Variants in ANKRD2 observed in about 807,000 individuals in gnomAD.
The protein encoded by ANKRD2 is ankyrin repeat domain 2.
In ANKRD2, 35 loss-of-function variants were observed where a neutral mutation model predicts 37.3. The ratio of observed to expected loss-of-function variants is 0.94; its 90% CI spans 0.72 to 1.24. The LOEUF is 1.24. Ranked by LOEUF, ANKRD2 falls within the 50% of genes most tolerant of loss-of-function variation. The pLI is 0.00. For synonymous variants in ANKRD2, 159 were observed against 186.5 expected (o/e 0.85, Z 1.20); for missense variants, 410 against 445.6 (o/e 0.92, Z 0.72).
chr10:97,582,551 T>A (rs2040913078), intron 7 of ANKRD2, 53 bp from the exon 8 acceptor site: 2 of 1,591,902 alleles, frequency 1.3e-6, no homozygotes, highest in Admixed American at 1.7e-5. Flanking sequence ...CCCATCACCC[T>A]TGCCTCCTCC....
In ANKRD2 at chr10:97,576,265, A is replaced by G. The variant is rs1015792738; in HGVS notation, c.88-1535A>G. ...GACTCAGGACCCTCCAACCTGGGCAATTGTTCCTGGACTCATAGCCACACA... is the reference window on the plus strand; with the variant it reads ...GACTCAGGACCCTCCAACCTGGGCAGTTGTTCCTGGACTCATAGCCACACA... On this transcript the variant is annotated intron_variant, in intron 1 of 8. Transcript: ENST00000370655. 2.0e-5 allele frequency among the ~76,000 whole-genome samples: 3 copies of G among 152,196 alleles called. No homozygotes were observed. The South Asian group carries it at 6.2e-4, about 31-fold the overall frequency.
intron 3 of ANKRD2, 30 bp from the exon 4 acceptor site, chr10:97,578,468 G>C: frequency 1.3e-6 from 2 of 1,598,166 alleles, no homozygotes; most frequent in South Asian, 1.1e-5. Flanking sequence ...TTGCTGGGAC[G>C]GCCCGTGACT....
At chr10:97,581,103 G>C in intron 5 of ANKRD2, 150 bp downstream of exon 5, 1 of 833,248 alleles carries the variant, frequency 1.2e-6, no homozygotes, top group South Asian at 1.7e-5. Context: ...CCTTGAGTAA[G>C]CCCCTTCTCC....
chr10:97,575,418 A>G (rs1271138331), intron 1 of ANKRD2, among the ~76,000 whole-genome samples: 1 of 152,198 alleles, frequency 6.6e-6, no homozygotes, highest in African/African-American at 2.4e-5. Flanking sequence ...CCATTCGATC[A>G]TTCATTCATT....
chr10:97,580,220 A>G (rs908129886), intron 4 of ANKRD2, among the ~76,000 whole-genome samples: 3 of 152,238 alleles, frequency 2.0e-5, no homozygotes, highest in Admixed American at 6.5e-5. Flanking sequence ...CCTTGGGGAG[A>G]CTGACATGTA....
intron 6 of ANKRD2, among the ~76,000 whole-genome samples, chr10:97,581,633 T>C (rs17108114): frequency 0.091 from 13,822 of 152,116 alleles, 1,823 homozygotes; most frequent in African/African-American, 0.28. Flanking sequence ...CATCTGAGGA[T>C]AGGAGCAGGA....
Position 97,578,398 on chromosome 10 carries a change from C to A in ANKRD2, c.348C>A (p.Ile116=). 1 of 1,613,674 alleles carries A rather than the reference C, an allele frequency of 6.2e-7. No individual in the cohort carries two copies. The change falls in exon 3 of 9, where the codon ATC becomes ATA. Residue 116 remains isoleucine, a splice_region_variant and synonymous_variant. Transcript: ENST00000370655. ...SHEPPPEPEE[I]TGPVDEETFL... is the part of the protein sequence containing the mutation. ...AGCCGCCCCCAGAGCCCGAGGAGAT[C>A]GTAAGGGTCCTGGGGAGGACACCGC...
Position 97,581,387 on chromosome 10 carries a change from T to C in ANKRD2, c.627T>C (p.His209=), listed in dbSNP as rs375427070. Residue 209 remains histidine, a synonymous_variant, in exon 6 of 9, where the codon CAT becomes CAC. Transcript: ENST00000370655. ...HLEVVKLLQS[H]GADTNVRDKL... ...AGGTGGTGAAACTTCTGCAAAGCCATGGAGCAGACACCAATGTGAGGGATA... is the reference window on the plus strand; with the variant it reads ...AGGTGGTGAAACTTCTGCAAAGCCACGGAGCAGACACCAATGTGAGGGATA... 7.0e-5 allele frequency: 113 copies of C among 1,614,114 alleles called. No individual in the cohort carries two copies. The South Asian group carries it at 1.2e-3, about 17-fold the overall frequency.
rs1373170035 is a variant in ANKRD2, at chr10:97,580,918, C to G, written c.520C>G (p.Leu174Val). 8.1e-6 allele frequency: 13 copies of G among 1,606,654 alleles called. No homozygotes were observed. The highest frequency in any genetic ancestry group is 1.1e-5 in the Non-Finnish European group (13 of 1,176,832). The change falls in exon 5 of 9, where the codon CTA becomes GTA. Residue 174 changes from leucine (L) to valine (V), a missense_variant. Leu to Val is a conservative substitution (Grantham distance 32). Transcript: ENST00000370655. ...EGHMEILEKL[L>V]DNGATVDFQD... ...CCACATGGAAATCCTGGAGAAGCTT[C>G]TAGATAATGGGGCCACTGTGGACTT...
chr10:97,583,413 A>G (rs894587180), intron 8 of ANKRD2, among the ~76,000 whole-genome samples, 163 bp from the exon 9 acceptor site: 3 of 152,092 alleles, frequency 2.0e-5, no homozygotes, highest in Admixed American at 6.6e-5. Context: ...TGCCAGTAGT[A>G]CCCATCCCCT....
rs2040932118 is a variant in ANKRD2, at chr10:97,583,618, G to A, written c.895G>A (p.Asp299Asn). The A allele has an allele frequency of 6.2e-7, 1 of 1,606,338 alleles. No homozygotes were observed. The highest frequency in any genetic ancestry group is 1.7e-5 in the Admixed American group (1 of 59,138). Residue 299 changes from aspartate (D) to asparagine (N), a missense_variant, in exon 9 of 9, where the codon GAT becomes AAT. Physicochemically the swap from Asp to Asn is conservative, Grantham distance 23. Coordinates refer to ENST00000370655, the MANE Select transcript of ANKRD2 (RefSeq NM_001346793.2). Reference protein sequence around the residue: ...PTDLVQLWQADTRHALEHPEP... With the variant: ...PTDLVQLWQANTRHALEHPEP... The stretch of plus-strand genomic sequence containing the variant: ...GGACCTGGTGCAGCTCTGGCAGGCT[G>A]ATACCCGGCACGCCCTGGAGCATCC...
chr10:97,580,731 A>G (rs1284113118), intron 4 of ANKRD2, 124 bp from the exon 5 acceptor site: 1 of 707,062 alleles, frequency 1.4e-6, no homozygotes, highest in African/African-American at 1.8e-5. Context: ...GAACACAGAA[A>G]ACATGGGGGC....
chr10:97,574,301 A>T (rs527704234), intron 1 of ANKRD2, among the ~76,000 whole-genome samples: 356 of 147,878 alleles, frequency 2.4e-3, no homozygotes, highest in Middle Eastern at 0.021. Context: ...AAAAAAGGGG[A>T]CTCCTCTGTG....
chr10:97,572,611 C>T (rs1248248421), upstream of ANKRD2: 1 of 1,431,910 alleles, frequency 7.0e-7, no homozygotes, highest in Non-Finnish European at 9.3e-7. Flanking sequence ...GGGCAACTGG[C>T]TCTGCTCCCT....
intron 1 of ANKRD2, among the ~76,000 whole-genome samples, chr10:97,573,205 C>T (rs1191962916): frequency 6.6e-6 from 1 of 152,144 alleles, no homozygotes; most frequent in East Asian, 1.9e-4. Context: ...GAATGTGTGG[C>T]CCTGTGATGC....
intron 1 of ANKRD2, among the ~76,000 whole-genome samples, chr10:97,573,514 C>T (rs2040785913): frequency 1.3e-5 from 2 of 151,978 alleles, no homozygotes. Context: ...GCAACCTCCG[C>T]CTCCTGGGTT....
At chr10:97,579,589 T>TC (rs1443170709) in intron 4 of ANKRD2, among the ~76,000 whole-genome samples, 1 of 151,336 alleles carries the variant, frequency 6.6e-6, no homozygotes, top group Non-Finnish European at 1.5e-5. Context: ...TCTTTTTTTT[T>TC]CTTTTTCTTT....
At chr10:97,578,148 A>ACCCCCCCCCC in intron 2 of ANKRD2, 92 bp from the exon 3 acceptor site, 1 of 227,700 alleles carries the variant, frequency 4.4e-6, no homozygotes, top group Admixed American at 6.2e-5. Context: ...CTTCCTGCCC[A>ACCCCCCCCCC]CCCCACCCTC....
chr10:97,574,426 G>A (rs1360572419), intron 1 of ANKRD2, among the ~76,000 whole-genome samples: 1 of 152,198 alleles, frequency 6.6e-6, no homozygotes, highest in African/African-American at 2.4e-5. Context: ...TGAAAGCGTG[G>A]CTGTCTTGAT....
Sources: gnomAD v4.1 joint callset for allele counts (sites outside exome capture counted in the v4.1 genomes callset) on GRCh38, gnomAD v4.1.1 for gene constraint, MANE v1.5 for transcripts, NCBI Gene and HGNC (gene_info 2026-07-23, HGNC 2026-07-21) for gene names.